Variants in NLGN4X observed in about 807,000 individuals in gnomAD.
NLGN4X encodes neuroligin-4, X-linked.
Under a neutral mutation model 40.3 loss-of-function variants are expected in NLGN4X, and 3 were observed. The ratio of observed to expected loss-of-function variants is 0.07; its 90% confidence interval spans 0.03 to 0.19. The LOEUF (loss-of-function observed/expected upper bound fraction) is 0.19. NLGN4X is among the 10% of genes least tolerant of loss of function. NLGN4X has a pLI of 1.00. For missense variants in NLGN4X, 382 were observed against 708.3 expected, an observed-to-expected ratio of 0.54 and a Z score of 5.23; for synonymous variants, 270 against 306.8, an observed-to-expected ratio of 0.88 and a Z score of 1.25.
chrX:6,175,320 C>T (rs935201513), intron 1 of NLGN4X, among the ~76,000 whole-genome samples: 4 of 110,214 alleles, frequency 3.6e-5, no homozygotes, highest in African/African-American at 9.9e-5. Context: ...TCTGCCTCAG[C>T]GTAGAGAAAA....
chrX:6,041,152 T>C (rs1484497144), intron 2 of NLGN4X, among the ~76,000 whole-genome samples: 1 of 111,356 alleles, frequency 9.0e-6, no homozygotes, highest in Non-Finnish European at 1.9e-5. Flanking sequence ...TGTTAGAGGA[T>C]GATATTCCAC....
intron 3 of NLGN4X, among the ~76,000 whole-genome samples, chrX:5,967,668 T>TGACTAGAA (rs2034874561): frequency 9.0e-6 from 1 of 111,711 alleles, no homozygotes; most frequent in Admixed American, 9.5e-5. Flanking sequence ...TTTTTTAATT[T>TGACTAGAA]GCATCAGCAG....
At chrX:5,978,845 C>A (rs1277164324) in intron 3 of NLGN4X, among the ~76,000 whole-genome samples, 1 of 111,593 alleles carries the variant, frequency 9.0e-6, no homozygotes, top group African/African-American at 3.3e-5. Flanking sequence ...GTGGCATGCA[C>A]CTGTAGTCCC....
chrX:6,204,641 A>G (rs940818747), intron 1 of NLGN4X, among the ~76,000 whole-genome samples: 43 of 111,321 alleles, frequency 3.9e-4, no homozygotes, highest in Non-Finnish European at 9.4e-5. Context: ...GTAGTTCTAA[A>G]AGAGTGATCC....
chrX:5,953,818 C>T lies in NLGN4X; in HGVS notation c.626-44579G>A, dbSNP rs985809408. On this transcript the variant is annotated intron_variant, in intron 3 of 5. Coordinates refer to ENST00000381095, the MANE Select transcript of NLGN4X (RefSeq NM_181332.3). ...AGCAAAAAGATGTTGGAATATTTGGCCTGGGTTTCACCACAGCATTATTGG... is the reference window on the plus strand; with the variant it reads ...AGCAAAAAGATGTTGGAATATTTGGTCTGGGTTTCACCACAGCATTATTGG... 6.3e-5 allele frequency among the ~76,000 whole-genome samples: 7 copies of T among 111,834 alleles called. No homozygotes were observed. In the East Asian group the frequency reaches 1.1e-3, roughly 18 times the overall value.
rs776894656 is a variant in NLGN4X, at chrX:6,092,587, A to G, written c.472+58408T>C. Among the ~76,000 whole-genome samples, 3 of 112,610 alleles carry G rather than the reference A, an allele frequency of 2.7e-5. No homozygotes were observed. In the South Asian group the frequency reaches 1.1e-3, roughly 41 times the overall value. On this transcript the variant is annotated intron_variant, in intron 2 of 5. Coordinates refer to ENST00000381095, the MANE Select transcript of NLGN4X (RefSeq NM_181332.3). ...CAGTCAAAGATCACTAAGCCCATGA[A>G]CACTGAGGTATTATAGGTGCTGCAC...
chrX:6,102,829 T>C (rs1200278748), intron 2 of NLGN4X, among the ~76,000 whole-genome samples: 2 of 110,602 alleles, frequency 1.8e-5, no homozygotes, highest in African/African-American at 6.6e-5. Context: ...ACAGATTAGA[T>C]AGAGAGAGAG....
rs193124508 is a variant in NLGN4X, at chrX:6,100,207, G to A, written c.472+50788C>T. Among the ~76,000 whole-genome samples, 17 of 112,499 alleles carry A rather than the reference G, an allele frequency of 1.5e-4. No individual in the cohort carries two copies. The East Asian group carries it at 2.2e-3, about 15-fold the overall frequency. On this transcript the variant is annotated intron_variant, in intron 2 of 5. Transcript: ENST00000381095. Reference sequence around the variant, plus strand: ...TAAGAACACCTTTAAGCGGTTTTCCGCCCTGGGTGGGCCAGGTGTTCCTTG... The same window carrying A: ...TAAGAACACCTTTAAGCGGTTTTCCACCCTGGGTGGGCCAGGTGTTCCTTG...
chrX:6,218,060 T>A (rs141576476), intron 1 of NLGN4X, among the ~76,000 whole-genome samples: 8,497 of 111,652 alleles, frequency 0.076, 299 homozygotes, highest in East Asian at 0.17. Context: ...CATTATTCAT[T>A]TCTTCCCACA....
chrX:6,152,805 T>C (rs992121206), intron 1 of NLGN4X, among the ~76,000 whole-genome samples: 3 of 112,717 alleles, frequency 2.7e-5, no homozygotes, highest in African/African-American at 9.6e-5. Context: ...GACTTTCCAG[T>C]AAGCCACTGC....
At chrX:6,192,810 T>C in intron 1 of NLGN4X, among the ~76,000 whole-genome samples, 1 of 112,051 alleles carries the variant, frequency 8.9e-6, no homozygotes, top group Middle Eastern at 4.3e-3. Context: ...TGGGCTGTCC[T>C]CCAGGCAGAC....
At chrX:5,909,635 C>T (rs931631553) in intron 3 of NLGN4X, among the ~76,000 whole-genome samples, 7 of 100,148 alleles carry the variant, frequency 7.0e-5, no homozygotes, top group African/African-American at 2.7e-4. Flanking sequence ...TCAGGGAAAA[C>T]AGTACGTGTG....
chrX:5,999,442 A>C (rs960042888), intron 3 of NLGN4X, among the ~76,000 whole-genome samples: 1 of 112,566 alleles, frequency 8.9e-6, no homozygotes, highest in Non-Finnish European at 1.9e-5. Flanking sequence ...TTTAAAAATA[A>C]GTATGATAAC....
intron 2 of NLGN4X, among the ~76,000 whole-genome samples, chrX:6,064,877 G>A (rs770055896): frequency 7.2e-5 from 8 of 111,002 alleles, no homozygotes; most frequent in South Asian, 3.9e-4. Context: ...GGCCATCAAC[G>A]GTGAACTGGA....
chrX:6,049,835 G>C (rs765793445), intron 2 of NLGN4X, among the ~76,000 whole-genome samples: 1 of 111,052 alleles, frequency 9.0e-6, no homozygotes, highest in East Asian at 2.8e-4. Context: ...ATAGAATGCA[G>C]GGTATGTTAT....
rs1325814265 is a variant in NLGN4X at position 6,216,648 on chromosome X, A to T, written c.-306+11893T>A. On this transcript the variant is annotated intron_variant, in intron 1 of 5. Coordinates refer to ENST00000381095, the MANE Select transcript of NLGN4X (RefSeq NM_181332.3). ...GGTTTACTTTTAAATATAGTTTTGC[A>T]AACTCCTCTGTTTGGTTTTTGTTTG... 2.8e-5 allele frequency among the ~76,000 whole-genome samples: 3 copies of T among 108,392 alleles called. No individual in the cohort carries two copies. In the Admixed American group the frequency reaches 3.0e-4, roughly 11 times the overall value. The allele number at this position is 108,392 out of a possible 115,157, so 94.1% of individuals were successfully genotyped here.
intron 3 of NLGN4X, among the ~76,000 whole-genome samples, chrX:5,941,131 C>CA (rs5901305): frequency 0.021 from 1,086 of 50,761 alleles, 41 homozygotes; most frequent in African/African-American, 0.088. Context: ...CTCCCTCCTA[C>CA]AAAAAAAAAA....
At chrX:6,017,355 G>A (rs1262684274) in intron 3 of NLGN4X, among the ~76,000 whole-genome samples, 1 of 111,992 alleles carries the variant, frequency 8.9e-6, no homozygotes, top group Non-Finnish European at 1.9e-5. Context: ...TGCTAAGCAT[G>A]TTTTAAACAA....
At chrX:5,977,170 C>CATAGA (rs763637978) in intron 3 of NLGN4X, among the ~76,000 whole-genome samples, 57 of 112,167 alleles carry the variant, frequency 5.1e-4, no homozygotes, top group African/African-American at 1.7e-3. Flanking sequence ...AGGTATCTCT[C>CATAGA]ATAGAATACA....
Sources: allele counts gnomAD v4.1 joint callset (sites outside exome capture counted in the v4.1 genomes callset), GRCh38; gene constraint gnomAD v4.1.1; transcripts MANE v1.5; gene names NCBI Gene and HGNC (gene_info 2026-07-23, HGNC 2026-07-21).